The following MAST1 variants were observed in gnomAD, a reference collection of about 807,000 sequenced individuals.
MAST1 encodes microtubule-associated serine/threonine-protein kinase 1.
Under a neutral mutation model 124.6 loss-of-function variants are expected in MAST1, and 40 were observed. The ratio of observed to expected loss-of-function variants is 0.32; its 90% CI spans 0.25 to 0.42. The LOEUF (loss-of-function observed/expected upper bound fraction) is 0.42, where lower values mean the gene tolerates loss of function less well. MAST1 is among the 10% of genes least tolerant of loss of function. MAST1 has a pLI of 1.00. For missense variants in MAST1, 1,558 were observed against 2,181.9 expected (o/e 0.71, Z 5.70); for synonymous variants, 938 against 939.4 (o/e 1.00, Z 0.03).
At chr19:12,855,364 G>A (rs1970006154) in intron 10 of MAST1, among the ~76,000 whole-genome samples, 1 of 152,148 alleles carries the variant, frequency 6.6e-6, no homozygotes, top group African/African-American at 2.4e-5. Flanking sequence ...GCTCATGCCT[G>A]TAGTCCCAGC....
chr19:12,851,909 T>C (rs766983071), intron 7 of MAST1, 25 bp from the exon 8 acceptor site: 4 of 1,584,006 alleles, frequency 2.5e-6, no homozygotes, highest in Non-Finnish European at 3.5e-6. Flanking sequence ...CTATGAGCCC[T>C]GTCCCTCTGT....
chr19:12,874,304 G>A lies in MAST1; in HGVS notation c.4147G>A (p.Glu1383Lys), dbSNP rs1315424854. 1 of 1,594,298 alleles carries A rather than the reference G, an allele frequency of 6.3e-7. No individual in the cohort carries two copies. Among genetic ancestry groups the A allele is most frequent in the Non-Finnish European group, 8.5e-7 (1 of 1,176,530 alleles). The change falls in exon 26 of 26, where the codon GAG (glutamate) becomes AAG (lysine). Residue 1383 changes from glutamate (E) to lysine (K), a missense_variant. Glu to Lys is a moderately conservative substitution (Grantham distance 56). Around this residue, in one of 10 missense-constraint regions of MAST1, gnomAD observed 263 missense variants for 310.9 expected, o/e 0.85. Coordinates refer to ENST00000251472, the MANE Select transcript of MAST1 (RefSeq NM_014975.3). The surrounding 1 kb of genome is among the most constrained non-coding windows in gnomAD (Gnocchi z 6.6). ...RATTPGGRTL[E>K]RDVGCTRHQS... ...GACGACCCCCGGTGGCCGGACCCTGGAGCGGGACGTCGGCTGCACGCGGCA... is the reference window on the plus strand; with the variant it reads ...GACGACCCCCGGTGGCCGGACCCTGAAGCGGGACGTCGGCTGCACGCGGCA...
In MAST1 at chr19:12,841,605, C is replaced by A. The variant is rs1969828804; in HGVS notation, c.248+539C>A. ...GGCAGAGAGGTTTCTCTGATGTTTT[C>A]TGGAGAAACGTTTCTGGGAGTTTGG... is the stretch of plus-strand genomic sequence containing the variant. On this transcript the variant is annotated intron_variant, in intron 3 of 25. Coordinates refer to ENST00000251472, the MANE Select transcript of MAST1 (RefSeq NM_014975.3). This position sits in a 1 kb window ranked among gnomAD's most constrained non-coding sequence, Gnocchi z 4.3. Among the ~76,000 whole-genome samples the A allele has an allele frequency of 1.3e-5, 2 of 152,158 alleles. No homozygotes were observed. The highest frequency in any genetic ancestry group is 4.1e-4 in the South Asian group (2 of 4,830).
chr19:12,838,655 G>C lies in MAST1; in HGVS notation c.83G>C (p.Ser28Thr), dbSNP rs760876730. ...GGCAGTATGTTCCGCCGCACCAAGA[G>C]GTAGACCCCCGATCCCCTAGACATT... is the stretch of plus-strand genomic sequence containing the variant. ...PGGSMFRRTK[S>T]CRTSNRKSLI... Residue 28 changes from serine to threonine, a missense_variant and splice_region_variant, in exon 1 of 26, where the codon AGC becomes ACC. Around this residue, in one of 10 missense-constraint regions of MAST1, gnomAD observed 42 missense variants for 54.6 expected, o/e 0.77. Transcript: ENST00000251472. This position sits in a 1 kb window ranked among gnomAD's most constrained non-coding sequence, Gnocchi z 4.3. The C allele has an allele frequency of 6.2e-7, 1 of 1,608,730 alleles. No homozygotes were observed. Among genetic ancestry groups the C allele is most frequent in the African/African-American group, 1.3e-5 (1 of 74,250 alleles).
chr19:12,848,459 A>C (rs1055652821), intron 7 of MAST1: 16 of 181,936 alleles, frequency 8.8e-5, no homozygotes, highest in African/African-American at 1.4e-4. Flanking sequence ...CTCTACTAAA[A>C]ACACACACAC....
intron 12 of MAST1, among the ~76,000 whole-genome samples, chr19:12,863,158 CAAAAAAAAAA>C (rs749539925): frequency 6.8e-5 from 3 of 44,140 alleles, no homozygotes; most frequent in East Asian, 8.4e-4. Context: ...GACTCTGACT[CAAAAAAAAAA>C]AAAAAAAAAA....
At chr19:12,869,716 G>T (rs150009894) in intron 22 of MAST1, among the ~76,000 whole-genome samples, 5,489 of 151,932 alleles carry the variant, frequency 0.036, 145 homozygotes, top group Admixed American at 0.055. Context: ...GATTACAGGC[G>T]TGAGCCACGG....
intron 20 of MAST1, among the ~76,000 whole-genome samples, chr19:12,868,213 G>C (rs1970185843): frequency 6.8e-6 from 1 of 146,726 alleles, no homozygotes; most frequent in Admixed American, 7.1e-5. Context: ...AGTTCAAGTG[G>C]TTCTCGCACC....
intron 4 of MAST1, among the ~76,000 whole-genome samples, chr19:12,844,740 C>T (rs887455938): frequency 3.3e-5 from 5 of 151,914 alleles, no homozygotes; most frequent in Admixed American, 2.0e-4. Flanking sequence ...ATTTGGGATG[C>T]GGGGGAGGAA....
rs1970272911 is a variant in MAST1, at chr19:12,873,814, G to T, written c.3657G>T (p.Pro1219=). The T allele has an allele frequency of 1.3e-6, 2 of 1,594,358 alleles. No individual in the cohort carries two copies. The highest frequency in any genetic ancestry group is 1.3e-5 in the African/African-American group (1 of 74,984). Residue 1219 remains proline, a synonymous_variant, in exon 26 of 26, where the codon CCG becomes CCT. Coordinates refer to ENST00000251472, the MANE Select transcript of MAST1 (RefSeq NM_014975.3). ...HTPSPTQASP[P]PLPGHTVGSS... ...CGTCCCCCACGCAGGCGTCACCGCC[G>T]CCACTGCCGGGCCACACGGTGGGCA...
At chr19:12,869,914 C>T (rs1042510022) in intron 22 of MAST1, among the ~76,000 whole-genome samples, 2 of 151,644 alleles carry the variant, frequency 1.3e-5, no homozygotes, top group African/African-American at 2.4e-5. Flanking sequence ...TTGGGCCGAG[C>T]GCGGTGGCTG....
chr19:12,852,450 G>T, intron 10 of MAST1, 55 bp downstream of exon 10: 2 of 1,477,990 alleles, frequency 1.4e-6, no homozygotes, highest in Non-Finnish European at 1.9e-6. Context: ...GGCAGGGTGG[G>T]GCTCATCTCC....
chr19:12,870,688 G>A (rs1013832425), intron 22 of MAST1, 136 bp from the exon 23 acceptor site: 4 of 937,634 alleles, frequency 4.3e-6, no homozygotes, highest in Admixed American at 2.7e-5. Flanking sequence ...AATGTGGGGG[G>A]AGGAATAATA....
rs1969858074 is a variant in MAST1 at position 12,843,650 on chromosome 19, T to C, written c.327+43T>C. On this transcript the variant is annotated intron_variant, in intron 4 of 25. Coordinates refer to ENST00000251472, the MANE Select transcript of MAST1 (RefSeq NM_014975.3). This position sits in a 1 kb window ranked among gnomAD's most constrained non-coding sequence, Gnocchi z 4.9. ...GTGGGTGGGCCGGTGGGTAAGGAAT[T>C]CAGGGGCCCTCCAGCCTGAAGACCC... The C allele has an allele frequency of 6.4e-7, 1 of 1,570,046 alleles. No individual in the cohort carries two copies. The highest frequency in any genetic ancestry group is 8.7e-7 in the Non-Finnish European group (1 of 1,144,702).
intron 22 of MAST1, among the ~76,000 whole-genome samples, chr19:12,870,621 C>T (rs569387096): frequency 2.7e-5 from 4 of 148,496 alleles, no homozygotes; most frequent in East Asian, 2.0e-4. Context: ...GCCAGGATTG[C>T]GCCACAGCAC....
intron 24 of MAST1, among the ~76,000 whole-genome samples, chr19:12,871,824 G>A (rs1599592726): frequency 1.3e-5 from 2 of 150,992 alleles, no homozygotes; most frequent in South Asian, 2.1e-4. Context: ...GCTGAAGTGG[G>A]AGGATTGCTT....
rs778952796 is a variant in MAST1, at chr19:12,852,152, C to T, written c.914C>T (p.Ala305Val). Reference sequence around the variant, plus strand: ...GAGGAGTTCTACCACCTGCTGGAGGCGGCCGAAGGACACGCCAAGGAGGGC... The same window carrying T: ...GAGGAGTTCTACCACCTGCTGGAGGTGGCCGAAGGACACGCCAAGGAGGGC... ...NPEEFYHLLE[A>V]AEGHAKEGHL... Residue 305 changes from alanine to valine, a missense_variant, in exon 9 of 26, where the codon GCG (alanine) becomes GTG (valine). By Grantham distance (64) the Ala-to-Val change is moderately conservative. Transcript: ENST00000251472. 28 of 1,613,806 alleles carry T rather than the reference C, an allele frequency of 1.7e-5. No homozygotes were observed. Among genetic ancestry groups the T allele is most frequent in the African/African-American group, 2.7e-5 (2 of 74,944 alleles).
intron 22 of MAST1, among the ~76,000 whole-genome samples, chr19:12,869,839 G>A (rs952281581): frequency 6.6e-6 from 1 of 151,554 alleles, no homozygotes; most frequent in Non-Finnish European, 1.5e-5. Context: ...GATCACTGGA[G>A]GTCAGGAGTT....
chr19:12,874,265 AC>A lies in MAST1; in HGVS notation c.4112del (p.Pro1371HisfsTer42). 1 of 1,581,334 alleles carries A rather than the reference AC, an allele frequency of 6.3e-7. No individual in the cohort carries two copies. On this transcript the variant is annotated frameshift_variant, in exon 26 of 26. Coordinates refer to ENST00000251472, the MANE Select transcript of MAST1 (RefSeq NM_014975.3). LOFTEE classifies it low-confidence loss of function (END_TRUNC). This position sits in a 1 kb window ranked among gnomAD's most constrained non-coding sequence, Gnocchi z 6.6. ...KESPGGAEAC[T>X]PPRATTPGGR... ...ATCCCCGGGGGGCGCCGAGGCGTGC[AC>A]CCCACCCCGCGCGACGACCCCCGGT...
Sources: allele counts gnomAD v4.1 joint callset (sites outside exome capture counted in the v4.1 genomes callset), GRCh38; gene constraint gnomAD v4.1.1; regional missense constraint gnomAD v4.1.1; non-coding constraint Gnocchi (gnomAD v3.1); transcripts MANE v1.5; gene names NCBI Gene and HGNC (gene_info 2026-07-23, HGNC 2026-07-21).